The following BCAS4 variants were observed in gnomAD, a reference collection of about 807,000 sequenced individuals.
BCAS4 encodes breast carcinoma-amplified sequence 4.
In BCAS4, 9 loss-of-function variants were observed where a neutral mutation model predicts 15.7. The observed-to-expected ratio is 0.57, with a 90% CI of 0.34 to 1.00. The LOEUF is 1.00. Among genes scored for constraint, BCAS4 ranks in the 50% least tolerant of loss-of-function variants. The pLI is 0.02. For synonymous variants in BCAS4, 101 were observed against 99.5 expected (o/e 1.02, Z -0.09); for missense variants, 225 against 239.1 (o/e 0.94, Z 0.39).
chr20:50,838,286 A>C lies in BCAS4; in HGVS notation c.265-3480A>C, dbSNP rs140876171. 6.5e-3 allele frequency among the ~76,000 whole-genome samples: 995 copies of C among 152,318 alleles called. 9 individuals carry two copies. Among genetic ancestry groups the C allele is most frequent in the African/African-American group, 0.023 (956 of 41,566 alleles). ...CTTCTGTTTTAGAACCCACATTCTA[A>C]AGGGCGTGGACCATGAATAGATAAG... On this transcript the variant is annotated intron_variant, in intron 3 of 4. Transcript: ENST00000371608.
At chr20:50,805,915 TG>T (rs997064941) in intron 1 of BCAS4, among the ~76,000 whole-genome samples, 56 of 151,616 alleles carry the variant, frequency 3.7e-4, no homozygotes, top group Non-Finnish European at 7.2e-4. Context: ...AGGCAGTGAT[TG>T]CAGTGAGTTG....
Position 50,795,113 on chromosome 20 carries a change from G to T in BCAS4, c.30G>T (p.Glu10Asp). Residue 10 changes from glutamate (E) to aspartate (D), a missense_variant, in exon 1 of 5, where the codon GAG (glutamate) becomes GAT (aspartate). Glu to Asp is a conservative substitution (Grantham distance 45). Transcript: ENST00000371608. ...TGCTCGTGGACGCTGATCAGCCGGA[G>T]CCCATGCGCAGCGGGGCGCGCGAGC... MLLVDADQP[E>D]PMRSGARELA... The T allele has an allele frequency of 6.7e-7, 1 of 1,494,372 alleles. No homozygotes were observed. Among genetic ancestry groups the T allele is most frequent in the East Asian group, 2.7e-5 (1 of 36,408 alleles). 92.6% of individuals were successfully genotyped at this position (1,494,372 alleles called of 1,614,324 possible). A position where few individuals can be genotyped will look rare whatever the true frequency, so the allele number is the denominator to read the frequency against.
At chr20:50,844,870 G>A (rs571336501) in intron 4 of BCAS4, among the ~76,000 whole-genome samples, 7 of 152,266 alleles carry the variant, frequency 4.6e-5, no homozygotes, top group East Asian at 1.9e-4. Flanking sequence ...TCCAGGAAGC[G>A]CGTCCTGGCC....
At chr20:50,811,169 T>A (rs922092725) in intron 1 of BCAS4, among the ~76,000 whole-genome samples, 1 of 151,656 alleles carries the variant, frequency 6.6e-6, no homozygotes, top group South Asian at 2.1e-4. Flanking sequence ...AGGCCCCCAT[T>A]AGGTGTTTTC....
intron 4 of BCAS4, among the ~76,000 whole-genome samples, chr20:50,861,846 CTTTTTTTTTTTTT>C (rs773052138): frequency 9.2e-6 from 1 of 109,250 alleles, no homozygotes; most frequent in Admixed American, 1.1e-4. Context: ...TCTTCTTCTC[CTTTTTTTTTTTTT>C]TTTTTTTTTT....
At chr20:50,870,237 C>T (rs1979565051) in intron 4 of BCAS4, among the ~76,000 whole-genome samples, 1 of 152,200 alleles carries the variant, frequency 6.6e-6, no homozygotes, top group Admixed American at 6.5e-5. Flanking sequence ...ACCCAAAAAC[C>T]AGGCAGGGTC....
intron 4 of BCAS4, among the ~76,000 whole-genome samples, chr20:50,861,817 CTTTCTTTCT>C (rs977213666): frequency 8.0e-6 from 1 of 124,682 alleles, no homozygotes; most frequent in Non-Finnish European, 1.8e-5. Flanking sequence ...CTTTTTCTTT[CTTTCTTTCT>C]TTTCTTTCTT....
downstream of BCAS4, chr20:50,878,462 GC>G (rs1829807305): frequency 6.6e-6 from 1 of 151,976 alleles, no homozygotes; most frequent in Admixed American, 6.6e-5. Flanking sequence ...GAGCCACCAT[GC>G]CCGGTCAGCA....
chr20:50,850,745 T>G (rs1356158404), intron 4 of BCAS4, among the ~76,000 whole-genome samples: 1 of 152,192 alleles, frequency 6.6e-6, no homozygotes, highest in Non-Finnish European at 1.5e-5. Flanking sequence ...GCATCTGGCC[T>G]ACCGTGCTCA....
At chr20:50,835,922 CT>C (rs1180698817) in intron 3 of BCAS4, among the ~76,000 whole-genome samples, 24 of 146,768 alleles carry the variant, frequency 1.6e-4, no homozygotes, top group East Asian at 2.0e-4. Flanking sequence ...CTTTTCTTTT[CT>C]TTTTTTTTTT....
intron 4 of BCAS4, among the ~76,000 whole-genome samples, chr20:50,875,105 TG>T (rs747140029): frequency 1.3e-5 from 2 of 152,198 alleles, no homozygotes; most frequent in Non-Finnish European, 1.5e-5. Context: ...ACCTGGGAGC[TG>T]TGAAATGTCC....
chr20:50,852,379 T>C (rs1220893176), intron 4 of BCAS4, among the ~76,000 whole-genome samples: 1 of 151,718 alleles, frequency 6.6e-6, no homozygotes, highest in Non-Finnish European at 1.5e-5. Flanking sequence ...TGTGTGTGTG[T>C]GTGTGTGTTT....
downstream of BCAS4, chr20:50,880,246 G>A (rs1980092851): frequency 6.6e-6 from 1 of 152,200 alleles, no homozygotes; most frequent in African/African-American, 2.4e-5. Flanking sequence ...TTTAAGGGAC[G>A]CTTGGAAACA....
downstream of BCAS4, chr20:50,879,942 C>T (rs1037463190): frequency 2.0e-5 from 3 of 152,532 alleles, no homozygotes; most frequent in African/African-American, 7.2e-5. Context: ...GCGAGGGGCT[C>T]TCAGTAATGG....
chr20:50,813,715 T>C (rs570450831), intron 1 of BCAS4, among the ~76,000 whole-genome samples: 1 of 128,430 alleles, frequency 7.8e-6, no homozygotes, highest in South Asian at 2.7e-4. Flanking sequence ...AGCCCCTTGG[T>C]GAGCAGGGCC....
chr20:50,836,141 C>T (rs766090559), intron 3 of BCAS4, among the ~76,000 whole-genome samples: 3 of 152,198 alleles, frequency 2.0e-5, no homozygotes, highest in Non-Finnish European at 2.9e-5. Context: ...TGGTCCCGAA[C>T]TCCTGACCTC....
At chr20:50,839,703 GC>G (rs2088453423) in intron 3 of BCAS4, among the ~76,000 whole-genome samples, 1 of 152,094 alleles carries the variant, frequency 6.6e-6, no homozygotes, top group Non-Finnish European at 1.5e-5. Flanking sequence ...ATGGGGTTTC[GC>G]CATGCTGGCC....
intron 3 of BCAS4, among the ~76,000 whole-genome samples, chr20:50,835,316 C>T (rs1008740609): frequency 6.7e-6 from 1 of 149,440 alleles, no homozygotes; most frequent in African/African-American, 2.5e-5. Flanking sequence ...GCAGTCTCGG[C>T]TCACTGCAAC....
chr20:50,825,196 C>T (rs993525907), intron 2 of BCAS4, among the ~76,000 whole-genome samples: 1 of 152,194 alleles, frequency 6.6e-6, no homozygotes, highest in African/African-American at 2.4e-5. Flanking sequence ...TATCGTGCCC[C>T]TCTAGACTGG....
Sources: gnomAD v4.1 joint callset for allele counts (sites outside exome capture counted in the v4.1 genomes callset) on GRCh38, gnomAD v4.1.1 for gene constraint, MANE v1.5 for transcripts, NCBI Gene and HGNC (gene_info 2026-07-23, HGNC 2026-07-21) for gene names.